Variants in SYTL5 observed in about 807,000 individuals in gnomAD.
SYTL5 encodes the protein synaptotagmin-like protein 5.
Under a neutral mutation model 55.9 loss-of-function variants are expected in SYTL5, and 34 were observed. That is an observed-to-expected ratio of 0.61 (90% CI 0.46 to 0.81). The LOEUF (loss-of-function observed/expected upper bound fraction) is 0.81, where lower values mean the gene tolerates loss of function less well. SYTL5 is among the 30% of genes least tolerant of loss of function. The pLI, the probability that SYTL5 is intolerant of heterozygous loss-of-function variation, is 0.00. For missense variants in SYTL5, 637 were observed against 546.7 expected (o/e 1.17, Z -1.65); for synonymous variants, 221 against 188.7 (o/e 1.17, Z -1.40).
the SYTL5 span, chrX:37,945,868 T>G: frequency 5.8e-6 from 1 of 171,030 alleles, no homozygotes; most frequent in South Asian, 1.6e-4. Flanking sequence ...GAAGGCTCTA[T>G]GCAGAGATTT....
chrX:37,936,777 C>G, the SYTL5 span, among the ~76,000 whole-genome samples: 2 of 111,015 alleles, frequency 1.8e-5, no homozygotes, highest in Non-Finnish European at 3.8e-5. Flanking sequence ...TGCAGTGGCT[C>G]ACGCCTGTAA....
At chrX:37,939,257 C>A in the SYTL5 span, among the ~76,000 whole-genome samples, 1 of 103,451 alleles carries the variant, frequency 9.7e-6, no homozygotes. Context: ...AAAACTCCTT[C>A]TAAAAAAAAA....
At chrX:38,061,447 C>A (rs1437366299) in intron 3 of SYTL5, among the ~76,000 whole-genome samples, 1 of 111,730 alleles carries the variant, frequency 9.0e-6, no homozygotes, top group Non-Finnish European at 1.9e-5. Flanking sequence ...TGCAGCCCCA[C>A]TGAGCTGTCT....
At chrX:38,125,578 G>A (rs1477109165) in intron 16 of SYTL5, 72 bp downstream of exon 16, 1 of 764,218 alleles carries the variant, frequency 1.3e-6, no homozygotes, top group Non-Finnish European at 2.0e-6. Context: ...TTGCAGATGT[G>A]ATGTGCAGTG....
At chrX:38,041,476 C>A (rs1282915621) in intron 2 of SYTL5, among the ~76,000 whole-genome samples, 1 of 111,691 alleles carries the variant, frequency 9.0e-6, no homozygotes, top group African/African-American at 3.3e-5. Flanking sequence ...TGGTTTAATC[C>A]TAATAGAATT....
chrX:37,974,284 A>G, the SYTL5 span, among the ~76,000 whole-genome samples: 1 of 112,679 alleles, frequency 8.9e-6, no homozygotes, highest in African/African-American at 3.2e-5. Context: ...TACGTACTGC[A>G]ACATGAATGA....
At chrX:37,930,616 A>G in the SYTL5 span, among the ~76,000 whole-genome samples, 1 of 111,856 alleles carries the variant, frequency 8.9e-6, no homozygotes, top group East Asian at 2.8e-4. Context: ...GGGGAAGTAC[A>G]TTTTTCCTTG....
chrX:37,941,034 G>C, the SYTL5 span, among the ~76,000 whole-genome samples: 1 of 112,150 alleles, frequency 8.9e-6, no homozygotes, highest in South Asian at 3.7e-4. Flanking sequence ...GGTAGAATTA[G>C]ATGCATTTGT....
chrX:38,040,028 A>C (rs1935235055), intron 2 of SYTL5, among the ~76,000 whole-genome samples: 2 of 110,200 alleles, frequency 1.8e-5, no homozygotes, highest in Admixed American at 9.6e-5. Context: ...ACAAAAAATT[A>C]CCCGGGCGTG....
chrX:38,111,122 A>G (rs1937348521), intron 13 of SYTL5, among the ~76,000 whole-genome samples: 1 of 111,927 alleles, frequency 8.9e-6, no homozygotes, highest in South Asian at 3.7e-4. Flanking sequence ...TTAAGCCAAA[A>G]TGGAGGTGAG....
chrX:37,966,438 T>TTC, the SYTL5 span, among the ~76,000 whole-genome samples: 5 of 82,581 alleles, frequency 6.1e-5, no homozygotes, highest in African/African-American at 2.9e-4. Flanking sequence ...TTCTTTTTCT[T>TTC]TTTTTTTTTT....
the SYTL5 span, among the ~76,000 whole-genome samples, chrX:37,889,253 T>C: frequency 8.9e-6 from 1 of 112,206 alleles, no homozygotes; most frequent in Non-Finnish European, 1.9e-5. Context: ...AAAGTTGAGA[T>C]ATCATTAGGC....
At chrX:38,050,813 G>A (rs5918462) in intron 2 of SYTL5, among the ~76,000 whole-genome samples, 38,919 of 110,957 alleles carry the variant, frequency 0.35, 7,205 homozygotes, top group African/African-American at 0.71. Context: ...CCAGGATCCA[G>A]ACTTGCAGAG....
At chrX:38,120,320 T>C in intron 13 of SYTL5, 38 bp from the exon 14 acceptor site, 4 of 999,379 alleles carry the variant, frequency 4.0e-6, no homozygotes, top group Non-Finnish European at 5.7e-6. Context: ...AAGCCAATCA[T>C]CCATACTCTT....
chrX:38,099,534 A>G (rs1381022196), intron 9 of SYTL5, among the ~76,000 whole-genome samples: 1 of 111,150 alleles, frequency 9.0e-6, no homozygotes, highest in Non-Finnish European at 1.9e-5. Flanking sequence ...CAAACAGACA[A>G]TTTTACTTCT....
At chrX:38,007,119 C>T (rs889533615) in intron 1 of SYTL5, among the ~76,000 whole-genome samples, 2 of 111,587 alleles carry the variant, frequency 1.8e-5, no homozygotes, top group Admixed American at 1.9e-4. Flanking sequence ...GAATTTCTTT[C>T]ATTTATTAGA....
chrX:37,991,611 G>C, the SYTL5 span, among the ~76,000 whole-genome samples: 1 of 111,179 alleles, frequency 9.0e-6, no homozygotes, highest in Non-Finnish European at 1.9e-5. Context: ...CCAGCCTGAT[G>C]CTGGGGCCTG....
chrX:37,902,235 G>C, the SYTL5 span, among the ~76,000 whole-genome samples: 1 of 112,208 alleles, frequency 8.9e-6, no homozygotes, highest in Non-Finnish European at 1.9e-5. Flanking sequence ...GCCTCAGGCA[G>C]AGTGTACTTC....
At chrX:38,014,775 T>G (rs745395998) in intron 1 of SYTL5, among the ~76,000 whole-genome samples, 2 of 112,212 alleles carry the variant, frequency 1.8e-5, no homozygotes, top group East Asian at 5.6e-4. Flanking sequence ...CACTTATGCC[T>G]TAGTCTGGCT....
Sources: allele counts gnomAD v4.1 joint callset (sites outside exome capture counted in the v4.1 genomes callset), GRCh38; gene constraint gnomAD v4.1.1; transcripts MANE v1.5; gene names NCBI Gene and HGNC (gene_info 2026-07-23, HGNC 2026-07-21).